PIK3C2B: variants seen among roughly 807,000 people sequenced by gnomAD.
PIK3C2B encodes phosphatidylinositol 4-phosphate 3-kinase C2 domain-containing subunit beta.
Under a neutral mutation model 184.3 loss-of-function variants are expected in PIK3C2B, and 83 were observed. That is an observed-to-expected ratio of 0.45 (90% confidence interval 0.38 to 0.54). PIK3C2B has a LOEUF of 0.54. Among genes scored for constraint, PIK3C2B ranks in the 20% least tolerant of loss-of-function variants. The pLI is 0.00. For missense variants in PIK3C2B, 1,736 were observed against 2,113.5 expected, an observed-to-expected ratio of 0.82 and a Z score of 3.50; for synonymous variants, 779 against 837.6, an observed-to-expected ratio of 0.93 and a Z score of 1.21.
rs749232619 is a variant in PIK3C2B, at chr1:204,431,479, CT to C, written c.4280+189del. On this transcript the variant is annotated intron_variant, in intron 28 of 32. Coordinates refer to ENST00000684373, the MANE Select transcript of PIK3C2B (RefSeq NM_001377334.1). ...GGCCAGTGGGCCTGGAGTGAGAGCT[CT>C]TGCGTGCAAGGAGAGCTTGGCCAGC... 9.4e-5 allele frequency: 61 copies of C among 649,268 alleles called. 1 individual carries two copies. The Admixed American group carries it at 1.1e-3, about 11-fold the overall frequency. 40.2% of individuals were successfully genotyped at this position (649,268 alleles called of 1,614,324 possible).
chr1:204,442,268 C>A (rs958882620), intron 20 of PIK3C2B, among the ~76,000 whole-genome samples: 3 of 152,192 alleles, frequency 2.0e-5, no homozygotes, highest in Non-Finnish European at 4.4e-5. Context: ...GAGTTCACAG[C>A]CCCTCTGCCT....
chr1:204,466,638 GAGAA>G (rs1030780365), intron 2 of PIK3C2B: 9 of 378,326 alleles, frequency 2.4e-5, no homozygotes, highest in Admixed American at 2.3e-4. Flanking sequence ...GGAAGAAAAA[GAGAA>G]AGAGAGAGAG....
At position 204,433,193 on chromosome 1, in the gene PIK3C2B, CAGCTCTAGG is replaced by C. The variant is rs1185512749; in HGVS notation, c.3953+114_3953+122del. ...AGTTGGGACAATGTATCCACGTGGT[CAGCTCTAGG>C]CTCTAGCATCTGAGCTAAGCTTTTC... On this transcript the variant is annotated intron_variant, in intron 26 of 32. Coordinates refer to ENST00000684373, the MANE Select transcript of PIK3C2B (RefSeq NM_001377334.1). The surrounding 1 kb of genome is among the most constrained non-coding windows in gnomAD (Gnocchi z 5.0). 5.2e-6 allele frequency: 3 copies of C among 581,508 alleles called. No individual in the cohort carries two copies. In the African/African-American group the frequency reaches 5.7e-5, roughly 11 times the overall value. The allele number at this position is 581,508 out of a possible 1,614,324, so 36.0% of individuals were successfully genotyped here.
chr1:204,442,740 C>G, intron 19 of PIK3C2B, 107 bp from the exon 20 acceptor site: 1 of 714,650 alleles, frequency 1.4e-6, no homozygotes, highest in Non-Finnish European at 2.4e-6. Flanking sequence ...TGAAAACCAC[C>G]CCCTGAGAAG....
chr1:204,449,934 G>C lies in PIK3C2B; in HGVS notation c.2150C>G (p.Pro717Arg). Residue 717 changes from proline to arginine, a missense_variant, in exon 13 of 33, where the codon CCG (proline) becomes CGG (arginine). Physicochemically the swap from Pro to Arg is moderately radical, Grantham distance 103. Coordinates refer to ENST00000684373, the MANE Select transcript of PIK3C2B (RefSeq NM_001377334.1). ...ATLYALPIPP[P>R]GSSSEANKQR... ...CTTATTGGCCTCTGAGGAGCTCCCC[G>C]GTGGGGGGATGGGCAGAGCATAGAG... The C allele has an allele frequency of 6.2e-7, 1 of 1,612,990 alleles. No homozygotes were observed. Among genetic ancestry groups the C allele is most frequent in the Non-Finnish European group, 8.5e-7 (1 of 1,179,576 alleles).
chr1:204,454,656 G>A lies in PIK3C2B; in HGVS notation c.2066+13C>T. On this transcript the variant is annotated intron_variant, in intron 12 of 32. Coordinates refer to ENST00000684373, the MANE Select transcript of PIK3C2B (RefSeq NM_001377334.1). ...CAGTGGCCTGGGCACTGAAGCCTGGGGGAAGGGCTTACTGCTGGTCCCAGA... is the reference window on the plus strand; with the variant it reads ...CAGTGGCCTGGGCACTGAAGCCTGGAGGAAGGGCTTACTGCTGGTCCCAGA... 1 of 1,611,792 alleles carries A rather than the reference G, an allele frequency of 6.2e-7. No homozygotes were observed. Among genetic ancestry groups the A allele is most frequent in the Non-Finnish European group, 8.5e-7 (1 of 1,179,838 alleles).
chr1:204,436,946 T>C lies in PIK3C2B; in HGVS notation c.3516+1989A>G, dbSNP rs144426753. Among the ~76,000 whole-genome samples, 571 of 152,190 alleles carry C rather than the reference T, an allele frequency of 3.8e-3. 5 individuals carry two copies. The highest frequency in any genetic ancestry group is 0.013 in the African/African-American group (548 of 41,488). On this transcript the variant is annotated intron_variant, in intron 23 of 32. Coordinates refer to ENST00000684373, the MANE Select transcript of PIK3C2B (RefSeq NM_001377334.1). The stretch of plus-strand genomic sequence containing the variant: ...CATAGAGTGGCAGAGTTTTGAGGAA[T>C]GAGAAGGGAAGAAATGACTTTCCAG...
rs748510249 is a variant in PIK3C2B at position 204,433,437 on chromosome 1, A to G, written c.3844-12T>C. Reference sequence around the variant, plus strand: ...CCACAGGACAACATCTAGAAGGAGCAGAAAGAAGAAGAGAGGGTGCCTGTA... The same window carrying G: ...CCACAGGACAACATCTAGAAGGAGCGGAAAGAAGAAGAGAGGGTGCCTGTA... On this transcript the variant is annotated splice_polypyrimidine_tract_variant and intron_variant, in intron 25 of 32. Transcript: ENST00000684373. This position sits in a 1 kb window ranked among gnomAD's most constrained non-coding sequence, Gnocchi z 5.0. 34 of 1,474,450 alleles carry G rather than the reference A, an allele frequency of 2.3e-5. No individual in the cohort carries two copies. In the Admixed American group the frequency reaches 5.7e-4, roughly 25 times the overall value. The allele number at this position is 1,474,450 out of a possible 1,614,324, so 91.3% of individuals were successfully genotyped here.
rs370503207 is a variant in PIK3C2B, at chr1:204,447,543, G to A, written c.2382C>T (p.Phe794=). 5.0e-6 allele frequency: 8 copies of A among 1,611,554 alleles called. No homozygotes were observed. Among genetic ancestry groups the A allele is most frequent in the African/African-American group, 1.3e-5 (1 of 74,810 alleles). Residue 794 remains phenylalanine, a synonymous_variant, in exon 15 of 33, where the codon TTC becomes TTT. Transcript: ENST00000684373. This position sits in a 1 kb window ranked among gnomAD's most constrained non-coding sequence, Gnocchi z 4.1. ...TGAACTTGTCTCCAGGGGGGCTGGT[G>A]AACTTGATGTCAAAGGCCGAGGTGG... ...DFPTSAFDIK[F]TSPPGDKFSP...
intron 23 of PIK3C2B, 33 bp downstream of exon 23, chr1:204,438,902 C>T: frequency 6.2e-7 from 1 of 1,604,716 alleles, no homozygotes; most frequent in Non-Finnish European, 8.5e-7. Context: ...GGCACACACA[C>T]ACACCAGACG....
In PIK3C2B at chr1:204,481,242, C is replaced by CCTTA. The variant is rs1318680299; in HGVS notation, c.-84-11357_-84-11356insTAAG. Among the ~76,000 whole-genome samples the CCTTA allele has an allele frequency of 1.7e-3, 258 of 150,582 alleles. 2 individuals are homozygous for CCTTA. The highest frequency in any genetic ancestry group is 6.0e-3 in the African/African-American group (246 of 41,012). On this transcript the variant is annotated intron_variant, in intron 1 of 32. Coordinates refer to ENST00000684373, the MANE Select transcript of PIK3C2B (RefSeq NM_001377334.1). ...CTCTCCCAGAAGAGAAGAGAGGAAG[C>CCTTA]TGGCCTAGACCCATAAGGTCACATT...
At chr1:204,438,511 C>G (rs1479971059) in intron 23 of PIK3C2B, among the ~76,000 whole-genome samples, 1 of 152,188 alleles carries the variant, frequency 6.6e-6, no homozygotes, top group Non-Finnish European at 1.5e-5. Context: ...TCTTAATTCA[C>G]AGCTATGAAA....
At chr1:204,470,070 T>C (rs59395444) in intron 1 of PIK3C2B, among the ~76,000 whole-genome samples, 184 bp from the exon 2 acceptor site, 1,934 of 152,138 alleles carry the variant, frequency 0.013, 52 homozygotes, top group African/African-American at 0.042. Context: ...ATTTATTATA[T>C]CCAACTATCC....
intron 28 of PIK3C2B, 75 bp downstream of exon 28, chr1:204,431,594 C>T: frequency 6.3e-7 from 1 of 1,581,946 alleles, no homozygotes; most frequent in Non-Finnish European, 8.7e-7. Flanking sequence ...CCCCTGCAGC[C>T]CTGACCACCT....
intron 9 of PIK3C2B, among the ~76,000 whole-genome samples, chr1:204,457,300 A>T (rs570951901): frequency 6.6e-6 from 1 of 152,196 alleles, no homozygotes; most frequent in East Asian, 1.9e-4. Flanking sequence ...GAGATATCCC[A>T]ACCCTCAGGC....
chr1:204,440,082 C>G lies in PIK3C2B; in HGVS notation c.3379+110G>C, dbSNP rs1347415626. ...ATCCCACAGCTTCTCATGAAATAAT[C>G]TTGCCCTTTTCACTTTCCTGGAGGA... On this transcript the variant is annotated intron_variant, in intron 22 of 32. Transcript: ENST00000684373. The G allele has an allele frequency of 1.4e-5, 16 of 1,137,574 alleles. No individual in the cohort carries two copies. The South Asian group carries it at 2.3e-4, about 16-fold the overall frequency. The allele number at this position is 1,137,574 out of a possible 1,614,324, so 70.5% of individuals were successfully genotyped here.
chr1:204,482,109 CGGGGG>C (rs55875447), intron 1 of PIK3C2B, among the ~76,000 whole-genome samples: 11,934 of 130,086 alleles, frequency 0.092, 585 homozygotes, highest in Non-Finnish European at 0.12. Context: ...CATGAAAAGA[CGGGGG>C]GGGGGGGGGG....
chr1:204,486,026 T>C (rs1252058991), intron 1 of PIK3C2B, among the ~76,000 whole-genome samples: 2 of 152,226 alleles, frequency 1.3e-5, no homozygotes, highest in Admixed American at 6.5e-5. Flanking sequence ...TACTAGTGAC[T>C]AGAATAAAAA....
Position 204,487,380 on chromosome 1 carries a change from TC to T in PIK3C2B, c.-85+6975del, listed in dbSNP as rs35589668. 6.4e-3 allele frequency among the ~76,000 whole-genome samples: 971 copies of T among 152,350 alleles called. 9 individuals are homozygous for T. Among genetic ancestry groups the T allele is most frequent in the South Asian group, 0.053 (255 of 4,830 alleles). ...AAACATCTCATTACATACAAAACAT[TC>T]TTTTCCACTAAGCCTTTAAACCGCA... On this transcript the variant is annotated intron_variant, in intron 1 of 32. Transcript: ENST00000684373.
Sources: gnomAD v4.1 joint callset for allele counts (sites outside exome capture counted in the v4.1 genomes callset) on GRCh38, gnomAD v4.1.1 for gene constraint, Gnocchi (gnomAD v3.1) non-coding constraint, MANE v1.5 for transcripts, NCBI Gene and HGNC (gene_info 2026-07-23, HGNC 2026-07-21) for gene names.